The following MLLT10 variants were observed in gnomAD, a reference collection of about 807,000 sequenced individuals.
The protein encoded by MLLT10 is protein AF-10.
A neutral mutation model predicts 129.1 loss-of-function variants in MLLT10; 30 were observed. The ratio of observed to expected loss-of-function variants is 0.23; its 90% CI spans 0.17 to 0.32. The LOEUF (loss-of-function observed/expected upper bound fraction) is 0.32. Among genes scored for constraint, MLLT10 ranks in the 10% least tolerant of loss-of-function variants. The pLI, the probability that MLLT10 is intolerant of heterozygous loss-of-function variation, is 1.00. For synonymous variants in MLLT10, 490 were observed against 446.4 expected (o/e 1.10, Z -1.23); for missense variants, 1,119 against 1,268.3 (o/e 0.88, Z 1.79).
In MLLT10 at chr10:21,740,027, A is replaced by G. The variant is rs772051239; in HGVS notation, c.2956-3A>G. 2 of 1,593,646 alleles carry G rather than the reference A, an allele frequency of 1.3e-6. No homozygotes were observed. The highest frequency in any genetic ancestry group is 2.2e-5 in the East Asian group (1 of 44,488). On this transcript the variant is annotated splice_region_variant and splice_polypyrimidine_tract_variant and intron_variant, in intron 21 of 22. Transcript: ENST00000307729. ...ATTTTCTCTCACATGTTTTTTGCCT[A>G]AGGAACAACATCAAGCCTTTTTGTA...
intron 9 of MLLT10, among the ~76,000 whole-genome samples, chr10:21,665,209 G>A (rs894321707): frequency 1.3e-5 from 2 of 150,904 alleles, no homozygotes; most frequent in East Asian, 2.0e-4. Flanking sequence ...GCCTCTTAAA[G>A]TGTTGGGATT....
At position 21,717,526 on chromosome 10, in the gene MLLT10, C is replaced by CCT. The variant is rs1275200880; in HGVS notation, c.1878+3578_1878+3579dup. On this transcript the variant is annotated intron_variant, in intron 14 of 22. Coordinates refer to ENST00000307729, the MANE Select transcript of MLLT10 (RefSeq NM_001195626.3). The stretch of plus-strand genomic sequence containing the variant: ...TCCTCCTCCTCCTCCACCACCTCCT[C>CCT]CTCCTCCTCCTCCTCCCTTCTTCTT... Among the ~76,000 whole-genome samples the CCT allele has an allele frequency of 1.4e-4, 17 of 125,690 alleles. 1 individual carries two copies. The highest frequency in any genetic ancestry group is 4.6e-4 in the African/African-American group (15 of 32,614). 82.5% of individuals were successfully genotyped at this position (125,690 alleles called of 152,430 possible).
intron 13 of MLLT10, among the ~76,000 whole-genome samples, chr10:21,689,565 GTATATATA>G (rs71393919): frequency 0.02 from 2,319 of 113,436 alleles, 35 homozygotes; most frequent in Middle Eastern, 0.052. Flanking sequence ...ATATATATAT[GTATATATA>G]TATATATATA....
At position 21,735,312 on chromosome 10, in the gene MLLT10, C is replaced by G. The variant is rs1007944093; in HGVS notation, c.2955+77C>G. 16 of 1,237,756 alleles carry G rather than the reference C, an allele frequency of 1.3e-5. No individual in the cohort carries two copies. In the African/African-American group the frequency reaches 2.3e-4, roughly 18 times the overall value. The allele number at this position is 1,237,756 out of a possible 1,614,324, so 76.7% of individuals were successfully genotyped here. On this transcript the variant is annotated intron_variant, in intron 21 of 22. Coordinates refer to ENST00000307729, the MANE Select transcript of MLLT10 (RefSeq NM_001195626.3). ...TAATATTCACTGTGGGTACAGATTT[C>G]TCCTTTGTGAAATAACATTATTGAA...
At chr10:21,657,923 A>G (rs1216345077) in intron 9 of MLLT10, among the ~76,000 whole-genome samples, 3 of 152,148 alleles carry the variant, frequency 2.0e-5, no homozygotes, top group Admixed American at 6.5e-5. Context: ...TTTTAAAGAA[A>G]TCTTTAGAAC....
chr10:21,577,594 C>T (rs2040916801), intron 3 of MLLT10, among the ~76,000 whole-genome samples: 1 of 151,834 alleles, frequency 6.6e-6, no homozygotes, highest in African/African-American at 2.4e-5. Flanking sequence ...GCCTCAGCCT[C>T]CCGAGTAGCT....
chr10:21,547,506 A>G (rs1183378855), intron 3 of MLLT10, among the ~76,000 whole-genome samples: 1 of 149,458 alleles, frequency 6.7e-6, no homozygotes, highest in African/African-American at 2.5e-5. Context: ...AAGTAGCTGG[A>G]ATTACTCCAT....
intron 12 of MLLT10, among the ~76,000 whole-genome samples, chr10:21,681,766 T>A (rs2052760261): frequency 6.6e-6 from 1 of 152,208 alleles, no homozygotes; most frequent in Admixed American, 6.5e-5. Context: ...TGAGGCTTTC[T>A]TATACTGAAG....
intron 13 of MLLT10, among the ~76,000 whole-genome samples, chr10:21,692,721 A>C (rs1157629281): frequency 6.6e-6 from 1 of 151,874 alleles, no homozygotes; most frequent in Admixed American, 6.6e-5. Flanking sequence ...TACTGAGCTC[A>C]AGTGATCCTC....
chr10:21,573,709 G>C (rs1244584324), intron 3 of MLLT10, among the ~76,000 whole-genome samples: 1 of 151,862 alleles, frequency 6.6e-6, no homozygotes, highest in Non-Finnish European at 1.5e-5. Flanking sequence ...TGAGATTACA[G>C]GCACGTGCCA....
intron 8 of MLLT10, among the ~76,000 whole-genome samples, chr10:21,643,921 T>G (rs1436385424): frequency 6.6e-6 from 1 of 152,248 alleles, no homozygotes; most frequent in African/African-American, 2.4e-5. Context: ...AGATGTGGTC[T>G]GCCTGCTTTA....
intron 13 of MLLT10, among the ~76,000 whole-genome samples, chr10:21,697,032 C>T (rs899706944): frequency 2.4e-5 from 3 of 127,170 alleles, no homozygotes; most frequent in Non-Finnish European, 4.6e-5. Context: ...TATTTCTTTA[C>T]TTATTATACC....
intron 9 of MLLT10, among the ~76,000 whole-genome samples, chr10:21,668,564 G>A (rs769211870): frequency 2.6e-5 from 4 of 152,046 alleles, no homozygotes; most frequent in East Asian, 1.9e-4. Flanking sequence ...GTTCTGAAAC[G>A]TAGGTTTGGA....
chr10:21,599,133 G>C, intron 5 of MLLT10, among the ~76,000 whole-genome samples: 1 of 150,334 alleles, frequency 6.7e-6, no homozygotes, highest in Non-Finnish European at 1.5e-5. Flanking sequence ...AGCCGAGATC[G>C]CACCACTGCA....
At chr10:21,683,739 T>A (rs2131409770) in intron 13 of MLLT10, among the ~76,000 whole-genome samples, 1 of 151,702 alleles carries the variant, frequency 6.6e-6, no homozygotes, top group Non-Finnish European at 1.5e-5. Flanking sequence ...AAATTTTTTG[T>A]GTTTGGGGTT....
intron 3 of MLLT10, among the ~76,000 whole-genome samples, chr10:21,549,274 C>G (rs536393519): frequency 5.9e-5 from 9 of 152,192 alleles, no homozygotes; most frequent in African/African-American, 2.2e-4. Context: ...TAGGCATGTG[C>G]CACCACTCCT....
intron 11 of MLLT10, among the ~76,000 whole-genome samples, chr10:21,677,583 T>C (rs1354218386): frequency 5.3e-5 from 8 of 152,222 alleles, no homozygotes; most frequent in Admixed American, 3.3e-4. Context: ...ATAGTTGTTA[T>C]ACTATATTGC....
chr10:21,540,445 A>G (rs2034944381), intron 3 of MLLT10, among the ~76,000 whole-genome samples: 2 of 151,524 alleles, frequency 1.3e-5, no homozygotes, highest in Admixed American at 6.6e-5. Context: ...ACTCCCAGCT[A>G]CTCTGGAAGC....
intron 8 of MLLT10, chr10:21,624,943 T>C: frequency 6.1e-6 from 8 of 1,305,562 alleles, no homozygotes; most frequent in Non-Finnish European, 8.5e-6. Flanking sequence ...GGTGCTCCCC[T>C]CCCCCTTGGT....
Sources: gnomAD v4.1 joint callset for allele counts (sites outside exome capture counted in the v4.1 genomes callset) on GRCh38, gnomAD v4.1.1 for gene constraint, MANE v1.5 for transcripts, NCBI Gene and HGNC (gene_info 2026-07-23, HGNC 2026-07-21) for gene names.